Variants in C1orf21 observed in about 807,000 individuals in gnomAD.
C1orf21 encodes the protein chromosome 1 open reading frame 21, also known as uncharacterized protein C1orf21.
C1orf21 carries 3 observed loss-of-function variants against 18.7 expected under a neutral mutation model. The observed-to-expected ratio is 0.16, with a 90% confidence interval of 0.07 to 0.42. The LOEUF (loss-of-function observed/expected upper bound fraction) is 0.42. C1orf21 is among the 10% of genes least tolerant of loss of function. The probability of loss-of-function intolerance (pLI) is 0.99; values close to 1 mark genes in which losing one functional copy is unlikely to be tolerated. For synonymous variants in C1orf21, 41 were observed against 46.4 expected (o/e 0.88, Z 0.47); for missense variants, 104 against 143.6 (o/e 0.72, Z 1.41).
chr1:184,412,903 C>A (rs1349493062), intron 1 of C1orf21, among the ~76,000 whole-genome samples: 1 of 152,204 alleles, frequency 6.6e-6, no homozygotes, highest in Non-Finnish European at 1.5e-5. Context: ...AGAGAAATTT[C>A]TCCTTGTGAA....
chr1:184,528,420 A>G (rs528912165), intron 3 of C1orf21, among the ~76,000 whole-genome samples: 2 of 152,102 alleles, frequency 1.3e-5, no homozygotes, highest in South Asian at 4.1e-4. Flanking sequence ...TTTTCTTAGC[A>G]TTATATCATT....
intron 3 of C1orf21, among the ~76,000 whole-genome samples, chr1:184,560,200 A>G (rs1658942874): frequency 6.6e-6 from 1 of 152,224 alleles, no homozygotes; most frequent in Non-Finnish European, 1.5e-5. Context: ...ATGATTAGTC[A>G]CATGCTTAGT....
intron 4 of C1orf21, among the ~76,000 whole-genome samples, chr1:184,591,455 A>G (rs1659434497): frequency 6.6e-6 from 1 of 152,246 alleles, no homozygotes; most frequent in Admixed American, 6.5e-5. Flanking sequence ...ATTAATTAAT[A>G]TGACTGCACT....
intron 1 of C1orf21, among the ~76,000 whole-genome samples, chr1:184,442,525 AATAGGCAGAT>A (rs996519447): frequency 1.3e-5 from 2 of 152,220 alleles, no homozygotes; most frequent in Admixed American, 6.5e-5. Context: ...TGTCTTTTAG[AATAGGCAGAT>A]ATAGGGCCTA....
intron 4 of C1orf21, among the ~76,000 whole-genome samples, chr1:184,594,102 G>T (rs1263580440): frequency 1.3e-5 from 2 of 152,126 alleles, no homozygotes; most frequent in African/African-American, 4.8e-5. Context: ...GGTTTCACAG[G>T]TGTTTATTAT....
At position 184,591,956 on chromosome 1, in the gene C1orf21, G is replaced by A. The variant is rs79469823; in HGVS notation, c.266+1141G>A. Among the ~76,000 whole-genome samples the A allele has an allele frequency of 5.5e-3, 830 of 152,238 alleles. 7 individuals carry two copies. The highest frequency in any genetic ancestry group is 0.019 in the African/African-American group (793 of 41,532). Reference sequence around the variant, plus strand: ...AGGATGAGGCAGTAGAGTAAGCAGCGATACATGCCTACATGTGGTTTCATT... The same window carrying A: ...AGGATGAGGCAGTAGAGTAAGCAGCAATACATGCCTACATGTGGTTTCATT... On this transcript the variant is annotated intron_variant, in intron 4 of 5. Transcript: ENST00000235307.
At chr1:184,442,755 C>T (rs1245651236) in intron 1 of C1orf21, among the ~76,000 whole-genome samples, 1 of 152,098 alleles carries the variant, frequency 6.6e-6, no homozygotes, top group Non-Finnish European at 1.5e-5. Flanking sequence ...ATCTTTATCT[C>T]CATCTTCCTG....
chr1:184,429,856 C>A (rs996998800), intron 1 of C1orf21, among the ~76,000 whole-genome samples: 1 of 151,982 alleles, frequency 6.6e-6, no homozygotes, highest in Non-Finnish European at 1.5e-5. Flanking sequence ...CACTTGTAAT[C>A]CCAGCACTTT....
Position 184,627,491 on chromosome 1 carries a change from G to C in C1orf21, c.*7935G>C, listed in dbSNP as rs1368765480. 3 of 152,146 alleles carry C rather than the reference G, an allele frequency of 2.0e-5. No individual in the cohort carries two copies. The highest frequency in any genetic ancestry group is 2.9e-5 in the Non-Finnish European group (2 of 68,052). The allele number at this position is 152,146 out of a possible 1,614,324, so 9.4% of individuals were successfully genotyped here. A position where few individuals can be genotyped will look rare whatever the true frequency, so the allele number is the denominator to read the frequency against. On this transcript the variant is annotated 3_prime_UTR_variant, in exon 6 of 6. Coordinates refer to ENST00000235307, the MANE Select transcript of C1orf21 (RefSeq NM_030806.4). ...AATTTTCCTAGCTAAGGGGCACTGG[G>C]CCTTGCTGCACCTTGGGGCTGACCT...
rs1660055563 is a variant in C1orf21, at chr1:184,628,613, A to G, written c.*9057A>G. 1 of 152,610 alleles carries G rather than the reference A, an allele frequency of 6.6e-6. No individual in the cohort carries two copies. The highest frequency in any genetic ancestry group is 6.5e-5 in the Admixed American group (1 of 15,280). 9.5% of individuals were successfully genotyped at this position (152,610 alleles called of 1,614,324 possible). ...GAAAACTCACTCACAAACAACATAA[A>G]TGTAAATAATTCAAAACCCTAAAGG... On this transcript the variant is annotated 3_prime_UTR_variant, in exon 6 of 6. Coordinates refer to ENST00000235307, the MANE Select transcript of C1orf21 (RefSeq NM_030806.4).
intron 5 of C1orf21, among the ~76,000 whole-genome samples, chr1:184,608,417 G>A (rs984702606): frequency 6.6e-6 from 1 of 152,180 alleles, no homozygotes; most frequent in Non-Finnish European, 1.5e-5. Flanking sequence ...TAACATATGG[G>A]CTATGGGCCG....
chr1:184,415,668 G>A (rs1054531808), intron 1 of C1orf21, among the ~76,000 whole-genome samples: 3 of 152,278 alleles, frequency 2.0e-5, no homozygotes, highest in African/African-American at 7.2e-5. Flanking sequence ...GCTCAATGAA[G>A]TTAGAAAGCC....
rs1558017858 is a variant in C1orf21 at position 184,622,317 on chromosome 1, CG to C, written c.*2765del. On this transcript the variant is annotated 3_prime_UTR_variant, in exon 6 of 6. Transcript: ENST00000235307. ...AGAGGGTTGATAGGCTGGCCGTGTC[CG>C]GGGTGAAATTGGAAATCCAGCTGCC... The C allele has an allele frequency of 6.6e-6, 1 of 152,186 alleles. No individual in the cohort carries two copies. The allele number at this position is 152,186 out of a possible 1,614,324, so 9.4% of individuals were successfully genotyped here. A position where few individuals can be genotyped will look rare whatever the true frequency, so the allele number is the denominator to read the frequency against.
chr1:184,559,505 C>CCCTTCCTT (rs71101933), intron 3 of C1orf21, among the ~76,000 whole-genome samples: 5,569 of 47,764 alleles, frequency 0.12, 535 homozygotes, highest in East Asian at 0.19. Context: ...CTTCCTTCCC[C>CCCTTCCTT]CCTTCCTTCC....
intron 2 of C1orf21, among the ~76,000 whole-genome samples, chr1:184,479,067 G>C (rs896203732): frequency 7.9e-5 from 12 of 152,196 alleles, no homozygotes; most frequent in African/African-American, 2.9e-4. Context: ...TGTTTGGGAA[G>C]AAAACTGTTG....
intron 3 of C1orf21, among the ~76,000 whole-genome samples, chr1:184,531,007 C>A (rs1658455192): frequency 6.6e-6 from 1 of 152,170 alleles, no homozygotes; most frequent in South Asian, 2.1e-4. Context: ...TATACTCCCA[C>A]TCTCCTGTTT....
At chr1:184,504,629 C>T (rs1658026659) in intron 2 of C1orf21, among the ~76,000 whole-genome samples, 1 of 152,178 alleles carries the variant, frequency 6.6e-6, no homozygotes, top group African/African-American at 2.4e-5. Context: ...CTTCCCGGCA[C>T]CAGCCTTTGA....
At chr1:184,576,187 C>T (rs1659187395) in intron 3 of C1orf21, among the ~76,000 whole-genome samples, 1 of 151,722 alleles carries the variant, frequency 6.6e-6, no homozygotes, top group Admixed American at 6.6e-5. Context: ...TGCAGTAGTA[C>T]AATCTCGGCT....
rs1660032481 is a variant in C1orf21 at position 184,627,371 on chromosome 1, A to C, written c.*7815A>C. ...GGAAAAGAATTAGATGCATCAGAAT[A>C]CCAGCTATAAGCCAACACTGTTTCC... is the stretch of plus-strand genomic sequence containing the variant. On this transcript the variant is annotated 3_prime_UTR_variant, in exon 6 of 6. Transcript: ENST00000235307. 6.6e-6 allele frequency: 1 copy of C among 152,144 alleles called. No individual in the cohort carries two copies. Among genetic ancestry groups the C allele is most frequent in the East Asian group, 1.9e-4 (1 of 5,194 alleles). The allele number at this position is 152,144 out of a possible 1,614,324, so 9.4% of individuals were successfully genotyped here.
Sources: allele counts gnomAD v4.1 joint callset (sites outside exome capture counted in the v4.1 genomes callset), GRCh38; gene constraint gnomAD v4.1.1; transcripts MANE v1.5; gene names NCBI Gene and HGNC (gene_info 2026-07-23, HGNC 2026-07-21).